Variants in MIER1 observed in about 807,000 individuals in gnomAD.
MIER1 encodes MIER1 transcriptional regulator.
Under a neutral mutation model 75.7 loss-of-function variants are expected in MIER1, and 40 were observed. That is an observed-to-expected ratio of 0.53 (90% CI 0.41 to 0.69). The LOEUF (loss-of-function observed/expected upper bound fraction) is 0.69. Ranked by LOEUF, MIER1 falls within the 30% of genes least tolerant of loss-of-function variation. MIER1 has a pLI of 0.00. For missense variants in MIER1, 574 were observed against 680.2 expected (o/e 0.84, Z 1.74); for synonymous variants, 213 against 223.4 (o/e 0.95, Z 0.42).
intron 2 of MIER1, chr1:66,930,485 G>C (rs879064448): frequency 2.1e-6 from 3 of 1,411,226 alleles, no homozygotes; most frequent in Non-Finnish European, 2.9e-6. Flanking sequence ...GCCTGGCCAG[G>C]AGAGGCCCGG....
At chr1:66,948,140 C>T in intron 4 of MIER1, 1 of 876,812 alleles carries the variant, frequency 1.1e-6, no homozygotes, top group Non-Finnish European at 1.4e-6. Context: ...CTGTTATTCA[C>T]CAGTGTATTT....
chr1:66,946,913 C>G, intron 4 of MIER1: 2 of 985,158 alleles, frequency 2.0e-6, no homozygotes, highest in African/African-American at 3.5e-5. Flanking sequence ...TGTTTCTATT[C>G]AGTATCTTTT....
rs1666898428 is a variant in MIER1 at position 66,987,248 on chromosome 1, A to G, written c.*2348A>G. 6.5e-6 allele frequency: 1 copy of G among 152,714 alleles called. No homozygotes were observed. Among genetic ancestry groups the G allele is most frequent in the Non-Finnish European group, 1.5e-5 (1 of 67,978 alleles). The allele number at this position is 152,714 out of a possible 1,614,324, so 9.5% of individuals were successfully genotyped here. ...TTCTTAATGCAGCCACTATAACTTG[A>G]TAAGTCATTGCACTATTTAAAAAGT... On this transcript the variant is annotated 3_prime_UTR_variant, in exon 14 of 14. Transcript: ENST00000401041.
Position 66,946,315 on chromosome 1 carries a change from A to G in MIER1, c.339+20A>G, listed in dbSNP as rs748285904. Reference sequence around the variant, plus strand: ...GCAAGGGTAAATAACATGTAGAGCTAGGGTATGAATTGGTTATGACTTTTT... The same window carrying G: ...GCAAGGGTAAATAACATGTAGAGCTGGGGTATGAATTGGTTATGACTTTTT... On this transcript the variant is annotated intron_variant, in intron 4 of 13. Transcript: ENST00000401041. The G allele has an allele frequency of 1.3e-6, 2 of 1,577,646 alleles. No individual in the cohort carries two copies. The highest frequency in any genetic ancestry group is 2.3e-5 in the East Asian group (1 of 42,970).
chr1:66,958,823 T>C, intron 5 of MIER1, 28 bp from the exon 6 acceptor site: 4 of 1,576,688 alleles, frequency 2.5e-6, no homozygotes, highest in Non-Finnish European at 3.5e-6. Flanking sequence ...CCTTACATCT[T>C]AGAGAAATTT....
chr1:66,984,482 T>G (rs964268574), intron 13 of MIER1, 90 bp from the exon 14 acceptor site: 98 of 964,590 alleles, frequency 1.0e-4, no homozygotes, highest in Non-Finnish European at 1.4e-4. Context: ...CCTTGCTTCC[T>G]TGATAACAAT....
intron 2 of MIER1, among the ~76,000 whole-genome samples, chr1:66,938,066 G>A (rs1655330880): frequency 6.6e-6 from 1 of 152,138 alleles, no homozygotes; most frequent in African/African-American, 2.4e-5. Flanking sequence ...GTTCTACTCT[G>A]TATCAGCTAT....
chr1:66,964,140 C>T (rs1164060189), intron 8 of MIER1, among the ~76,000 whole-genome samples: 3 of 149,544 alleles, frequency 2.0e-5, no homozygotes, highest in Admixed American at 6.7e-5. Context: ...GGCATGATCT[C>T]GGCTCACTGC....
At chr1:66,940,426 T>C (rs968261155) in intron 3 of MIER1, among the ~76,000 whole-genome samples, 1 of 151,970 alleles carries the variant, frequency 6.6e-6, no homozygotes, top group Non-Finnish European at 1.5e-5. Context: ...AGTATTTTTA[T>C]TTGAGAAAAA....
chr1:66,974,433 T>TTG (rs576000595), intron 11 of MIER1, among the ~76,000 whole-genome samples: 14 of 151,682 alleles, frequency 9.2e-5, no homozygotes, highest in African/African-American at 2.9e-4. Flanking sequence ...AGGTTTTTTT[T>TTG]TTGTTGTTGT....
chr1:66,925,374 G>A, intron 1 of MIER1: 1 of 985,424 alleles, frequency 1.0e-6, no homozygotes, highest in Non-Finnish European at 1.2e-6. Context: ...CTGGGAATCC[G>A]CTGCGGAGTG....
At chr1:66,964,808 C>CT (rs1248102310) in intron 8 of MIER1, among the ~76,000 whole-genome samples, 3 of 152,050 alleles carry the variant, frequency 2.0e-5, no homozygotes, top group Non-Finnish European at 2.9e-5. Flanking sequence ...GACTAGAAAT[C>CT]TTTATTTCTT....
intron 2 of MIER1, among the ~76,000 whole-genome samples, chr1:66,933,773 A>G (rs963152666): frequency 6.6e-6 from 1 of 152,200 alleles, no homozygotes; most frequent in Non-Finnish European, 1.5e-5. Flanking sequence ...ATTCATTGGC[A>G]GTTAAGAGTT....
chr1:66,960,767 A>G (rs2101730188), intron 7 of MIER1, among the ~76,000 whole-genome samples: 1 of 152,356 alleles, frequency 6.6e-6, no homozygotes, highest in Admixed American at 6.5e-5. Context: ...GGGACTCGAC[A>G]GAAAACAAGA....
intron 3 of MIER1, among the ~76,000 whole-genome samples, chr1:66,942,027 G>T (rs1362676718): frequency 2.7e-5 from 4 of 149,942 alleles, no homozygotes; most frequent in African/African-American, 9.8e-5. Context: ...ATACTTAACA[G>T]ATAGAATGTT....
chr1:66,962,342 A>G (rs1416795943), intron 7 of MIER1, among the ~76,000 whole-genome samples: 1 of 152,130 alleles, frequency 6.6e-6, no homozygotes, highest in African/African-American at 2.4e-5. Context: ...AGTTTCTTTC[A>G]TTTGGCCCCT....
Position 66,974,883 on chromosome 1 carries a change from A to G in MIER1, c.1102-1712A>G, listed in dbSNP as rs553652568. On this transcript the variant is annotated intron_variant, in intron 11 of 13. Coordinates refer to ENST00000401041, the MANE Select transcript of MIER1 (RefSeq NM_001077700.3). ...AGGGCTTTTGTTGAAGATTTTTCAT[A>G]ATCTTAACTTTGCATGCCCCAAAAT... is the stretch of plus-strand genomic sequence containing the variant. 2.6e-5 allele frequency among the ~76,000 whole-genome samples: 4 copies of G among 152,296 alleles called. No individual in the cohort carries two copies. In the East Asian group the frequency reaches 5.8e-4, roughly 22 times the overall value.
intron 7 of MIER1, among the ~76,000 whole-genome samples, chr1:66,960,356 G>A (rs1032272656): frequency 6.6e-5 from 10 of 152,112 alleles, no homozygotes; most frequent in East Asian, 5.8e-4. Flanking sequence ...TGGCTTCTTC[G>A]TAACTATATA....
chr1:66,945,572 A>G (rs1449349638), intron 3 of MIER1, among the ~76,000 whole-genome samples: 1 of 152,146 alleles, frequency 6.6e-6, no homozygotes, highest in Middle Eastern at 3.2e-3. Context: ...TCAAATGGTT[A>G]AGAATTGTGA....
Sources: allele counts gnomAD v4.1 joint callset (sites outside exome capture counted in the v4.1 genomes callset), GRCh38; gene constraint gnomAD v4.1.1; transcripts MANE v1.5; gene names NCBI Gene and HGNC (gene_info 2026-07-23, HGNC 2026-07-21).